DGKI: variants seen among roughly 807,000 people sequenced by gnomAD.
The protein encoded by DGKI is diacylglycerol kinase iota.
A neutral mutation model predicts 147.5 loss-of-function variants in DGKI; 55 were observed. The ratio of observed to expected loss-of-function variants is 0.37; its 90% CI spans 0.30 to 0.47. The LOEUF is 0.47. Among genes scored for constraint, DGKI ranks in the 20% least tolerant of loss-of-function variants. The pLI, the probability that DGKI is intolerant of heterozygous loss-of-function variation, is 1.00. For synonymous variants in DGKI, 469 were observed against 477.1 expected, an observed-to-expected ratio of 0.98 and a Z score of 0.22; for missense variants, 1,007 against 1,323.8, an observed-to-expected ratio of 0.76 and a Z score of 3.71.
chr7:137,788,524 T>C (rs1025983034), intron 1 of DGKI, among the ~76,000 whole-genome samples: 1 of 152,042 alleles, frequency 6.6e-6, no homozygotes, highest in Non-Finnish European at 1.5e-5. Context: ...CTACCAATCA[T>C]CCATGTGTTT....
intron 1 of DGKI, among the ~76,000 whole-genome samples, chr7:137,702,832 C>T (rs1182147337): frequency 5.9e-5 from 9 of 152,196 alleles, no homozygotes; most frequent in Admixed American, 5.9e-4. Flanking sequence ...CCACTCAGCA[C>T]TTTCACCAGC....
At chr7:137,435,939 C>T (rs990828483) in intron 28 of DGKI, among the ~76,000 whole-genome samples, 1 of 152,106 alleles carries the variant, frequency 6.6e-6, no homozygotes, top group Admixed American at 6.6e-5. Context: ...ACCATCATGT[C>T]AGGCTTATTT....
chr7:137,745,044 T>C (rs1795283194), intron 1 of DGKI, among the ~76,000 whole-genome samples: 1 of 152,144 alleles, frequency 6.6e-6, no homozygotes, highest in African/African-American at 2.4e-5. Flanking sequence ...AATCTCAGCA[T>C]CACGCAATAT....
At chr7:137,655,210 T>C (rs1310903770) in intron 4 of DGKI, among the ~76,000 whole-genome samples, 1 of 151,820 alleles carries the variant, frequency 6.6e-6, no homozygotes, top group Non-Finnish European at 1.5e-5. Flanking sequence ...TCTTTTTTTT[T>C]TTTTTTGAGA....
chr7:137,381,245 A>G lies in DGKI; in HGVS notation c.*9975T>C, dbSNP rs1000047258. The G allele has an allele frequency of 1.3e-5, 2 of 151,424 alleles. No individual in the cohort carries two copies. The highest frequency in any genetic ancestry group is 2.9e-5 in the Non-Finnish European group (2 of 67,876). The allele number at this position is 151,424 out of a possible 1,614,324, so 9.4% of individuals were successfully genotyped here. On this transcript the variant is annotated 3_prime_UTR_variant, in exon 33 of 33. Transcript: ENST00000614521. ...CAAGAAAATTAGGGAAAAATACTTT[A>G]TGACTTTGTTACAAAAAACTTCATT...
chr7:137,490,726 C>T (rs562091751), intron 21 of DGKI, among the ~76,000 whole-genome samples: 37 of 152,296 alleles, frequency 2.4e-4, no homozygotes, highest in Admixed American at 1.8e-3. Context: ...CTCTATTTTA[C>T]TTAGGAGTAG....
chr7:137,792,234 A>G (rs1318269772), intron 1 of DGKI, among the ~76,000 whole-genome samples: 2 of 152,132 alleles, frequency 1.3e-5, no homozygotes, highest in Non-Finnish European at 2.9e-5. Context: ...AAAGAGAATG[A>G]GATAGAGATA....
chr7:137,490,773 C>T (rs1341586851), intron 21 of DGKI, among the ~76,000 whole-genome samples: 1 of 152,186 alleles, frequency 6.6e-6, no homozygotes, highest in Non-Finnish European at 1.5e-5. Flanking sequence ...GTGTCACTAT[C>T]CCTGAGCTCA....
At chr7:137,564,664 T>C (rs1216939095) in intron 19 of DGKI, among the ~76,000 whole-genome samples, 1 of 152,248 alleles carries the variant, frequency 6.6e-6, no homozygotes, top group East Asian at 1.9e-4. Flanking sequence ...TCCAGAATTT[T>C]ATCTGTATAA....
At chr7:137,671,731 C>A (rs1194199263) in intron 3 of DGKI, among the ~76,000 whole-genome samples, 1 of 152,154 alleles carries the variant, frequency 6.6e-6, no homozygotes, top group Non-Finnish European at 1.5e-5. Context: ...TATCACATGG[C>A]CTCTCTAACT....
chr7:137,729,913 A>ACCC (rs1794822950), intron 1 of DGKI, among the ~76,000 whole-genome samples: 1 of 152,118 alleles, frequency 6.6e-6, no homozygotes, highest in Admixed American at 6.6e-5. Context: ...GCTCGTTGAC[A>ACCC]CTGATCAAAC....
chr7:137,576,470 C>A (rs776423766), intron 17 of DGKI, among the ~76,000 whole-genome samples: 1 of 152,122 alleles, frequency 6.6e-6, no homozygotes, highest in Non-Finnish European at 1.5e-5. Flanking sequence ...TTTACTTATA[C>A]GACTATGTGC....
chr7:137,747,608 T>C (rs373965735), intron 1 of DGKI, among the ~76,000 whole-genome samples: 6 of 152,178 alleles, frequency 3.9e-5, no homozygotes, highest in Non-Finnish European at 5.9e-5. Context: ...GGCTCCCACA[T>C]TGTGGAATGT....
intron 3 of DGKI, among the ~76,000 whole-genome samples, chr7:137,662,991 A>C (rs1822498143): frequency 6.6e-6 from 1 of 152,244 alleles, no homozygotes; most frequent in Non-Finnish European, 1.5e-5. Flanking sequence ...TGCAATGCTC[A>C]GATATACACC....
At chr7:137,622,620 G>T (rs957612628) in intron 7 of DGKI, among the ~76,000 whole-genome samples, 1 of 152,134 alleles carries the variant, frequency 6.6e-6, no homozygotes, top group Non-Finnish European at 1.5e-5. Flanking sequence ...AACAGCCACA[G>T]ACAATATATA....
At chr7:137,706,814 C>T (rs1249131019) in intron 1 of DGKI, among the ~76,000 whole-genome samples, 1 of 152,022 alleles carries the variant, frequency 6.6e-6, no homozygotes, top group Non-Finnish European at 1.5e-5. Context: ...CCTCGTGATC[C>T]ACCCACCTCG....
Position 137,801,123 on chromosome 7 carries a change from C to T in DGKI, c.401+45339G>A, listed in dbSNP as rs80290488. ...TACTGTCTAATACAATCTTGTACTT[C>T]TCTTCCTATCACTCTTATGCACTGA... On this transcript the variant is annotated intron_variant, in intron 1 of 32. Coordinates refer to ENST00000614521, the MANE Select transcript of DGKI (RefSeq NM_001321708.2). Among the ~76,000 whole-genome samples, 27 of 152,364 alleles carry T rather than the reference C, an allele frequency of 1.8e-4. No individual in the cohort carries two copies. In the East Asian group the frequency reaches 5.0e-3, roughly 28 times the overall value.
chr7:137,677,986 G>A (rs1179238896), intron 3 of DGKI, among the ~76,000 whole-genome samples: 2 of 152,050 alleles, frequency 1.3e-5, no homozygotes, highest in Non-Finnish European at 2.9e-5. Context: ...GTTCTAAATA[G>A]GGACACAAAG....
intron 30 of DGKI, among the ~76,000 whole-genome samples, chr7:137,406,141 C>T (rs754312717): frequency 2.0e-5 from 3 of 151,852 alleles, no homozygotes; most frequent in African/African-American, 4.8e-5. Flanking sequence ...AAAGGGTAAA[C>T]TAAAGAGAGT....
Sources: allele counts gnomAD v4.1 joint callset (sites outside exome capture counted in the v4.1 genomes callset), GRCh38; gene constraint gnomAD v4.1.1; transcripts MANE v1.5; gene names NCBI Gene and HGNC (gene_info 2026-07-23, HGNC 2026-07-21).